KCNQ3: variants seen among roughly 807,000 people sequenced by gnomAD.
KCNQ3 encodes the protein potassium voltage-gated channel subfamily KQT member 3.
Under a neutral mutation model 92.5 loss-of-function variants are expected in KCNQ3, and 30 were observed. The ratio of observed to expected loss-of-function variants is 0.32; its 90% confidence interval spans 0.24 to 0.44. KCNQ3 has a LOEUF of 0.44. KCNQ3 is among the 20% of genes least tolerant of loss of function. KCNQ3 has a pLI of 1.00. For missense variants in KCNQ3, 913 were observed against 1,140.3 expected, an observed-to-expected ratio of 0.80 and a Z score of 2.87; for synonymous variants, 450 against 468.8, an observed-to-expected ratio of 0.96 and a Z score of 0.52.
chr8:132,202,422 T>A (rs1351748755), intron 1 of KCNQ3, among the ~76,000 whole-genome samples: 1 of 152,166 alleles, frequency 6.6e-6, no homozygotes, highest in Non-Finnish European at 1.5e-5. Flanking sequence ...ACTGGGAGCT[T>A]CCTACATCTT....
chr8:132,352,792 G>A (rs1326279774), intron 1 of KCNQ3, among the ~76,000 whole-genome samples: 2 of 152,166 alleles, frequency 1.3e-5, no homozygotes, highest in African/African-American at 4.8e-5. Flanking sequence ...TTTGACAGTT[G>A]ATGGTGGTTC....
At chr8:132,251,054 C>A (rs1467279366) in intron 1 of KCNQ3, among the ~76,000 whole-genome samples, 1 of 152,116 alleles carries the variant, frequency 6.6e-6, no homozygotes, top group Non-Finnish European at 1.5e-5. Context: ...ATCATTTGAG[C>A]TCAAGTGTTT....
At chr8:132,460,336 C>A (rs560633904) in intron 1 of KCNQ3, among the ~76,000 whole-genome samples, 2 of 152,310 alleles carry the variant, frequency 1.3e-5, no homozygotes, top group Non-Finnish European at 2.9e-5. Context: ...TCATAACCAT[C>A]TATGTTTGTA....
At chr8:132,147,808 G>A (rs984182075) in intron 9 of KCNQ3, among the ~76,000 whole-genome samples, 1 of 152,210 alleles carries the variant, frequency 6.6e-6, no homozygotes, top group Non-Finnish European at 1.5e-5. Context: ...CAGACTGAGT[G>A]CCCAGCACAG....
intron 11 of KCNQ3, among the ~76,000 whole-genome samples, chr8:132,138,483 A>G (rs1049512204): frequency 6.6e-6 from 1 of 152,070 alleles, no homozygotes; most frequent in Non-Finnish European, 1.5e-5. Context: ...CTATTTGAGG[A>G]CAGCTGATAT....
At chr8:132,370,302 C>T (rs73345940) in intron 1 of KCNQ3, among the ~76,000 whole-genome samples, 18 of 151,094 alleles carry the variant, frequency 1.2e-4, no homozygotes, top group Non-Finnish European at 2.2e-4. Flanking sequence ...TGCGTGCCTG[C>T]TAAATGGATG....
chr8:132,204,204 G>A (rs1813578073), intron 1 of KCNQ3, among the ~76,000 whole-genome samples: 1 of 152,194 alleles, frequency 6.6e-6, no homozygotes, highest in African/African-American at 2.4e-5. Context: ...TTTTAAACAG[G>A]AGGTGACTCT....
At chr8:132,280,329 C>T (rs1009652104) in intron 1 of KCNQ3, among the ~76,000 whole-genome samples, 19 of 152,160 alleles carry the variant, frequency 1.2e-4, no homozygotes, top group African/African-American at 3.9e-4. Context: ...GCAAGCTGTA[C>T]AAGCATGGTG....
chr8:132,240,659 G>A (rs1157844912), intron 1 of KCNQ3, among the ~76,000 whole-genome samples: 1 of 152,148 alleles, frequency 6.6e-6, no homozygotes, highest in Non-Finnish European at 1.5e-5. Flanking sequence ...AGTGAGCCTC[G>A]CACCACCTCC....
chr8:132,378,045 C>CA (rs961927098), intron 1 of KCNQ3, among the ~76,000 whole-genome samples: 55 of 150,864 alleles, frequency 3.6e-4, no homozygotes, highest in African/African-American at 1.3e-3. Context: ...CACTTTTTTT[C>CA]AAAAAAAAGT....
rs756856528 is a variant in KCNQ3, at chr8:132,175,646, G to T, written c.778-38C>A. ...ACAGTGGACATGAAAAGTGGTCACT[G>T]GGGAGTCGTTGAGTGGATGCTGGAG... On this transcript the variant is annotated intron_variant, in intron 4 of 14. Transcript: ENST00000388996. The T allele has an allele frequency of 2.2e-5, 35 of 1,605,676 alleles. 1 individual carries two copies. The East Asian group carries it at 6.1e-4, about 28-fold the overall frequency.
intron 10 of KCNQ3, chr8:132,140,544 T>A: frequency 3.8e-6 from 1 of 261,760 alleles, no homozygotes; most frequent in Non-Finnish European, 7.4e-6. Flanking sequence ...CTGGGACTTT[T>A]GCTCTGTCAG....
At position 132,445,445 on chromosome 8, in the gene KCNQ3, C is replaced by T. The variant is rs779026887; in HGVS notation, c.386+34702G>A. On this transcript the variant is annotated intron_variant, in intron 1 of 14. Coordinates refer to ENST00000388996, the MANE Select transcript of KCNQ3 (RefSeq NM_004519.4). ...GACACATTAGCTTGCATTTATTTCC[C>T]CCATGCACCTGCCCCATCCCCAACA... Among the ~76,000 whole-genome samples, 17 of 152,128 alleles carry T rather than the reference C, an allele frequency of 1.1e-4. 1 individual carries two copies. Among genetic ancestry groups the T allele is most frequent in the Non-Finnish European group, 2.1e-4 (14 of 68,024 alleles).
chr8:132,205,557 G>A (rs1003164884), intron 1 of KCNQ3, among the ~76,000 whole-genome samples: 7 of 152,218 alleles, frequency 4.6e-5, no homozygotes, highest in Admixed American at 2.6e-4. Context: ...GGGAAAGAGC[G>A]TGAGCTTCAG....
rs77496575 is a variant in KCNQ3, at chr8:132,278,193, C to T, written c.387-92012G>A. On this transcript the variant is annotated intron_variant, in intron 1 of 14. Coordinates refer to ENST00000388996, the MANE Select transcript of KCNQ3 (RefSeq NM_004519.4). The stretch of plus-strand genomic sequence containing the variant: ...CCAGAGATGTCATGTAAATTGGTTT[C>T]ACATAGGATGGTAAGACCAAAGACA... 4.2e-3 allele frequency: 4,169 copies of T among 985,198 alleles called. 138 individuals carry two copies. The East Asian group carries it at 0.16, about 38-fold the overall frequency. 61.0% of individuals were successfully genotyped at this position (985,198 alleles called of 1,614,324 possible).
At position 132,206,601 on chromosome 8, in the gene KCNQ3, T is replaced by C. The variant is rs1813665727; in HGVS notation, c.387-20420A>G. Among the ~76,000 whole-genome samples the C allele has an allele frequency of 2.0e-5, 3 of 152,220 alleles. No homozygotes were observed. The South Asian group carries it at 6.2e-4, about 31-fold the overall frequency. On this transcript the variant is annotated intron_variant, in intron 1 of 14. Coordinates refer to ENST00000388996, the MANE Select transcript of KCNQ3 (RefSeq NM_004519.4). ...TTATTAAAGCATATCTAGAAGTTTG[T>C]CCATTTCTTCTAGATTTTAAATTTA...
chr8:132,335,787 A>T (rs932171420), intron 1 of KCNQ3, among the ~76,000 whole-genome samples: 5 of 151,602 alleles, frequency 3.3e-5, no homozygotes, highest in Non-Finnish European at 1.5e-5. Flanking sequence ...TGGAAGAAGC[A>T]AAGTTGGGGA....
chr8:132,466,902 G>A (rs1043215201), intron 1 of KCNQ3, among the ~76,000 whole-genome samples: 1 of 152,192 alleles, frequency 6.6e-6, no homozygotes, highest in Admixed American at 6.5e-5. Flanking sequence ...TCAAAGGGGA[G>A]ATATTGAAAA....
At chr8:132,394,551 A>C (rs890092627) in intron 1 of KCNQ3, among the ~76,000 whole-genome samples, 3 of 151,824 alleles carry the variant, frequency 2.0e-5, no homozygotes, top group Non-Finnish European at 4.4e-5. Flanking sequence ...TATCATCCTG[A>C]TCACCCTTGA....
Sources: allele counts gnomAD v4.1 joint callset (sites outside exome capture counted in the v4.1 genomes callset), GRCh38; gene constraint gnomAD v4.1.1; transcripts MANE v1.5; gene names NCBI Gene and HGNC (gene_info 2026-07-23, HGNC 2026-07-21).